The following RBMS3 variants were observed in gnomAD, a reference collection of about 807,000 sequenced individuals.
RBMS3 encodes RNA-binding motif, single-stranded-interacting protein 3.
A neutral mutation model predicts 66.8 loss-of-function variants in RBMS3; 27 were observed. The ratio of observed to expected loss-of-function variants is 0.40; its 90% CI spans 0.30 to 0.56. The LOEUF (loss-of-function observed/expected upper bound fraction) is 0.56, where lower values mean the gene tolerates loss of function less well. RBMS3 is among the 20% of genes least tolerant of loss of function. The probability of loss-of-function intolerance (pLI) is 0.40; values close to 1 mark genes in which losing one functional copy is unlikely to be tolerated. For synonymous variants in RBMS3, 188 were observed against 183.0 expected (o/e 1.03, Z -0.22); for missense variants, 513 against 549.5 (o/e 0.93, Z 0.66).
At chr3:29,738,738 G>T (rs2054489422) in intron 4 of RBMS3, among the ~76,000 whole-genome samples, 1 of 152,204 alleles carries the variant, frequency 6.6e-6, no homozygotes, top group South Asian at 2.1e-4. Flanking sequence ...GTTCTGTGGT[G>T]AGGCCTGAGA....
intron 3 of RBMS3, among the ~76,000 whole-genome samples, chr3:29,551,100 G>A (rs540867644): frequency 6.6e-6 from 1 of 152,318 alleles, no homozygotes; most frequent in Admixed American, 6.5e-5. Context: ...TGCTATCGTG[G>A]AGATGAAATT....
At chr3:29,856,463 T>C (rs2059079687) in intron 6 of RBMS3, among the ~76,000 whole-genome samples, 1 of 152,174 alleles carries the variant, frequency 6.6e-6, no homozygotes, top group African/African-American at 2.4e-5. Context: ...ATTTAGATCA[T>C]GACATTGGAT....
chr3:29,832,516 T>G, intron 6 of RBMS3, among the ~76,000 whole-genome samples: 1 of 150,718 alleles, frequency 6.6e-6, no homozygotes, highest in East Asian at 2.0e-4. Context: ...ACGGTTTCAC[T>G]TTACCCATGT....
intron 4 of RBMS3, among the ~76,000 whole-genome samples, chr3:29,726,395 A>T (rs568504003): frequency 6.6e-6 from 1 of 152,160 alleles, no homozygotes; most frequent in Non-Finnish European, 1.5e-5. Context: ...AGGGTATTCA[A>T]ATGGAAAGAG....
chr3:29,614,815 A>C (rs1406083587), intron 4 of RBMS3: 1 of 152,168 alleles, frequency 6.6e-6, no homozygotes, highest in Non-Finnish European at 1.5e-5. Flanking sequence ...TGTGGATGAG[A>C]CTTGATATAG....
At chr3:29,869,024 G>C in intron 7 of RBMS3, 60 bp downstream of exon 7, 1 of 1,389,138 alleles carries the variant, frequency 7.2e-7, no homozygotes, top group Non-Finnish European at 9.8e-7. Flanking sequence ...CTCAGAAGGT[G>C]GCAAGGCAGA....
Position 29,548,448 on chromosome 3 carries a change from AC to A in RBMS3, c.308-38665del, listed in dbSNP as rs531738809. On this transcript the variant is annotated intron_variant, in intron 3 of 14. Coordinates refer to ENST00000383767, the MANE Select transcript of RBMS3 (RefSeq NM_001003793.3). ...CTGTCTCTTAAAAACAAACAAACAAACAAAAAACAAAACGACGTTAATGAAG... is the reference window on the plus strand; with the variant it reads ...CTGTCTCTTAAAAACAAACAAACAAAAAAAAACAAAACGACGTTAATGAAG... 1.8e-3 allele frequency among the ~76,000 whole-genome samples: 229 copies of A among 128,748 alleles called. 1 individual carries two copies. Among genetic ancestry groups the A allele is most frequent in the Non-Finnish European group, 2.1e-3 (115 of 54,614 alleles). 84.5% of individuals were successfully genotyped at this position (128,748 alleles called of 152,430 possible).
chr3:29,406,117 C>T (rs931918136), intron 1 of RBMS3, among the ~76,000 whole-genome samples: 1 of 152,140 alleles, frequency 6.6e-6, no homozygotes, highest in Non-Finnish European at 1.5e-5. Flanking sequence ...TGCCTAGAGG[C>T]AAATTAAATT....
Position 29,696,593 on chromosome 3 carries a change from C to T in RBMS3, c.400-43127C>T, listed in dbSNP as rs547811513. ...TGACTGCTGGCTCCTCTTTTCTGCA[C>T]GAAGGCCAGAACATGAAAAGTTAGA... On this transcript the variant is annotated intron_variant, in intron 4 of 14. Coordinates refer to ENST00000383767, the MANE Select transcript of RBMS3 (RefSeq NM_001003793.3). 1.0e-3 allele frequency among the ~76,000 whole-genome samples: 157 copies of T among 152,234 alleles called. 2 individuals carry two copies. Among genetic ancestry groups the T allele is most frequent in the African/African-American group, 3.4e-3 (142 of 41,554 alleles).
rs1392091899 is a variant in RBMS3 at position 29,359,802 on chromosome 3, C to T, written c.76-74941C>T. Among the ~76,000 whole-genome samples the T allele has an allele frequency of 2.0e-5, 3 of 152,114 alleles. No homozygotes were observed. The South Asian group carries it at 6.2e-4, about 32-fold the overall frequency. On this transcript the variant is annotated intron_variant, in intron 1 of 14. Transcript: ENST00000383767. Reference sequence around the variant, plus strand: ...GGGTGTATGTGTCCAGGAATTTATCCATTTCTTCTAGATTTTCTAGTTTAT... The same window carrying T: ...GGGTGTATGTGTCCAGGAATTTATCTATTTCTTCTAGATTTTCTAGTTTAT...
intron 3 of RBMS3, among the ~76,000 whole-genome samples, chr3:29,572,436 G>T (rs7616949): frequency 0.054 from 8,272 of 152,126 alleles, 408 homozygotes; most frequent in African/African-American, 0.14. Flanking sequence ...GTTGAGGTAT[G>T]CTCTGTCTAT....
At chr3:29,872,789 T>TC (rs2059524186) in intron 7 of RBMS3, among the ~76,000 whole-genome samples, 1 of 151,858 alleles carries the variant, frequency 6.6e-6, no homozygotes, top group Non-Finnish European at 1.5e-5. Context: ...AAGGGAGGGG[T>TC]CCAGCTTCAA....
intron 4 of RBMS3, among the ~76,000 whole-genome samples, chr3:29,717,885 G>A (rs2053470332): frequency 6.6e-6 from 1 of 152,076 alleles, no homozygotes. Flanking sequence ...AGATTTTGCT[G>A]CAAGCGTTTT....
intron 3 of RBMS3, among the ~76,000 whole-genome samples, chr3:29,541,430 A>G (rs1162842863): frequency 7.4e-6 from 1 of 135,376 alleles, no homozygotes; most frequent in African/African-American, 3.4e-5. Context: ...AATTTCTTTC[A>G]TTCTTTTTTT....
chr3:29,416,424 C>G (rs1321644107), intron 1 of RBMS3, among the ~76,000 whole-genome samples: 1 of 152,164 alleles, frequency 6.6e-6, no homozygotes, highest in Non-Finnish European at 1.5e-5. Context: ...GATCCACATT[C>G]TTTCCTTAAC....
At chr3:29,776,146 G>A (rs1045277875) in intron 6 of RBMS3, among the ~76,000 whole-genome samples, 2 of 151,934 alleles carry the variant, frequency 1.3e-5, no homozygotes, top group East Asian at 1.9e-4. Flanking sequence ...CCTATATGAT[G>A]TTAAAGAAAA....
At chr3:29,339,650 G>A (rs1052832214) in intron 1 of RBMS3, among the ~76,000 whole-genome samples, 2 of 151,468 alleles carry the variant, frequency 1.3e-5, no homozygotes, top group Non-Finnish European at 1.5e-5. Flanking sequence ...GGGGAATAGC[G>A]GTATTAAATA....
chr3:29,459,919 C>T (rs1264458434), intron 2 of RBMS3, among the ~76,000 whole-genome samples: 2 of 152,188 alleles, frequency 1.3e-5, no homozygotes, highest in Non-Finnish European at 2.9e-5. Context: ...TTTGCTAAAG[C>T]TTGAGTTTAC....
At chr3:29,459,249 C>A (rs1057271612) in intron 2 of RBMS3, among the ~76,000 whole-genome samples, 2 of 152,128 alleles carry the variant, frequency 1.3e-5, no homozygotes, top group African/African-American at 2.4e-5. Flanking sequence ...AAATTTCACT[C>A]CCTCCCCTGT....
Sources: allele counts gnomAD v4.1 joint callset (sites outside exome capture counted in the v4.1 genomes callset), GRCh38; gene constraint gnomAD v4.1.1; transcripts MANE v1.5; gene names NCBI Gene and HGNC (gene_info 2026-07-23, HGNC 2026-07-21).